The following PDE4A variants were observed in gnomAD, a reference collection of about 807,000 sequenced individuals.
PDE4A encodes 3',5'-cyclic-AMP phosphodiesterase 4A.
Under a neutral mutation model 73.9 loss-of-function variants are expected in PDE4A, and 21 were observed. That is an observed-to-expected ratio of 0.28 (90% CI 0.20 to 0.41). The LOEUF is 0.41. PDE4A is among the 10% of genes least tolerant of loss of function. The pLI, the probability that PDE4A is intolerant of heterozygous loss-of-function variation, is 1.00. For missense variants in PDE4A, 958 were observed against 1,211.4 expected (o/e 0.79, Z 3.10); for synonymous variants, 463 against 505.4 (o/e 0.92, Z 1.13).
intron 1 of PDE4A, chr19:10,430,857 C>G (rs2042778351): frequency 1.6e-6 from 2 of 1,227,106 alleles, no homozygotes; most frequent in Non-Finnish European, 2.0e-6. Context: ...GGCGCGGCCG[C>G]GCGGCCTAGG....
Position 10,457,112 on chromosome 19 carries a change from C to T in PDE4A, c.878-767C>T, listed in dbSNP as rs151300289. On this transcript the variant is annotated intron_variant, in intron 7 of 14. Transcript: ENST00000380702. ...ACTCGGGAGGCTGAGGTAGGAAAAT[C>T]GCTTGAACCCGGGAGGTGGAGGCTA... Among the ~76,000 whole-genome samples the T allele has an allele frequency of 1.8e-3, 272 of 152,244 alleles. 3 individuals are homozygous for T. Among genetic ancestry groups the T allele is most frequent in the African/African-American group, 6.3e-3 (262 of 41,544 alleles).
At chr19:10,442,950 T>C (rs191299899) in intron 1 of PDE4A, among the ~76,000 whole-genome samples, 3 of 151,828 alleles carry the variant, frequency 2.0e-5, no homozygotes, top group Non-Finnish European at 4.4e-5. Flanking sequence ...TGCATATGCA[T>C]GTGTATGTAA....
chr19:10,448,157 T>C (rs1232015968), intron 2 of PDE4A, among the ~76,000 whole-genome samples: 2 of 150,584 alleles, frequency 1.3e-5, no homozygotes, highest in Non-Finnish European at 3.0e-5. Flanking sequence ...TGGAGTGCAG[T>C]GGCGCGATCT....
intron 1 of PDE4A, among the ~76,000 whole-genome samples, chr19:10,441,279 C>T (rs1188925984): frequency 1.3e-5 from 2 of 152,112 alleles, no homozygotes; most frequent in Non-Finnish European, 2.9e-5. Context: ...TAGGTGCACA[C>T]CACCATGCCC....
At chr19:10,426,531 A>C (rs1346829639) in intron 1 of PDE4A, among the ~76,000 whole-genome samples, 2 of 152,152 alleles carry the variant, frequency 1.3e-5, no homozygotes, top group African/African-American at 4.8e-5. Flanking sequence ...CCATAGACAC[A>C]TTCCCTGCTG....
At chr19:10,454,465 T>C (rs1251551973) in intron 6 of PDE4A, among the ~76,000 whole-genome samples, 3 of 152,112 alleles carry the variant, frequency 2.0e-5, no homozygotes, top group African/African-American at 7.2e-5. Flanking sequence ...CTAAGGAGAC[T>C]CCCATCGCCA....
intron 1 of PDE4A, among the ~76,000 whole-genome samples, chr19:10,429,229 G>A (rs1048681422): frequency 2.7e-5 from 4 of 149,042 alleles, no homozygotes; most frequent in African/African-American, 5.0e-5. Flanking sequence ...GGAAAAGAAA[G>A]AAAGAGAGGG....
intron 10 of PDE4A, among the ~76,000 whole-genome samples, chr19:10,460,366 G>GT (rs1447006326): frequency 3.3e-5 from 5 of 151,828 alleles, no homozygotes; most frequent in South Asian, 2.1e-4. Context: ...GGGCGTGGTG[G>GT]GGCACGCCTG....
chr19:10,452,234 G>T (rs868535865), intron 6 of PDE4A, among the ~76,000 whole-genome samples: 10 of 152,040 alleles, frequency 6.6e-5, no homozygotes, highest in Middle Eastern at 6.8e-3. Context: ...GAGGTCGGGA[G>T]TTCGAGCAGC....
intron 13 of PDE4A, among the ~76,000 whole-genome samples, chr19:10,462,779 A>AC (rs986717466): frequency 2.1e-5 from 3 of 143,464 alleles, no homozygotes; most frequent in Non-Finnish European, 4.6e-5. Flanking sequence ...CTCTTCCCTC[A>AC]CCCCCCTTCC....
intron 1 of PDE4A, chr19:10,432,357 T>C: frequency 7.7e-7 from 1 of 1,305,228 alleles, no homozygotes; most frequent in Non-Finnish European, 9.7e-7. Context: ...CGCAGACACC[T>C]TGGGCCTGGC....
intron 1 of PDE4A, among the ~76,000 whole-genome samples, chr19:10,445,770 C>CAA (rs368282378): frequency 9.9e-5 from 11 of 110,646 alleles, no homozygotes; most frequent in East Asian, 2.9e-4. Context: ...GACCATACCT[C>CAA]AAAAAAAAAA....
intron 14 of PDE4A, among the ~76,000 whole-genome samples, chr19:10,466,464 T>C (rs2043373823): frequency 9.7e-6 from 1 of 102,818 alleles, no homozygotes; most frequent in African/African-American, 4.2e-5. Context: ...AAAAAAAAAG[T>C]GTGTGTGTGT....
chr19:10,421,221 G>A, intron 1 of PDE4A, 137 bp downstream of exon 1: 1 of 1,335,582 alleles, frequency 7.5e-7, no homozygotes, highest in Non-Finnish European at 9.5e-7. Context: ...ATTCGGCTGC[G>A]GGGGCGTCTG....
chr19:10,426,405 CT>C (rs112146326), intron 1 of PDE4A, among the ~76,000 whole-genome samples: 4 of 149,716 alleles, frequency 2.7e-5, no homozygotes, highest in Non-Finnish European at 5.9e-5. Flanking sequence ...CAATGAGATT[CT>C]TTTTTTTTTC....
rs200058068 is a variant in PDE4A at position 10,467,569 on chromosome 19, C to T, written c.2609C>T (p.Thr870Ile). ...SACAGTFGED[T>I]SALPAPGGGG... ...TGCGCAGGGACATTTGGGGAGGACA[C>T]ATCCGCACTCCCAGCTCCTGGTGGC... The change falls in exon 15 of 15, where the codon ACA becomes ATA. Residue 870 changes from threonine (T) to isoleucine (I), a missense_variant. This residue lies in a region of PDE4A where 243 missense variants were observed against 245.9 expected (regional missense o/e 0.99). Transcript: ENST00000380702. The T allele has an allele frequency of 2.5e-6, 4 of 1,601,728 alleles. No individual in the cohort carries two copies. Among genetic ancestry groups the T allele is most frequent in the East Asian group, 4.5e-5 (2 of 44,616 alleles).
chr19:10,460,299 G>GACC (rs989193079), intron 10 of PDE4A, among the ~76,000 whole-genome samples: 1 of 149,332 alleles, frequency 6.7e-6, no homozygotes, highest in African/African-American at 2.5e-5. Flanking sequence ...GGGAGTTTGA[G>GACC]ACCAGCCTGA....
At chr19:10,433,462 C>T (rs988478637) in intron 1 of PDE4A, among the ~76,000 whole-genome samples, 7 of 152,124 alleles carry the variant, frequency 4.6e-5, no homozygotes, top group African/African-American at 9.7e-5. Flanking sequence ...GAACGCACCC[C>T]GTGCCCACAC....
chr19:10,459,161 C>G (rs922381742), intron 8 of PDE4A: 2 of 608,034 alleles, frequency 3.3e-6, no homozygotes, highest in African/African-American at 3.7e-5. Context: ...CAAACGAGAT[C>G]AAGTGCTTAG....
Sources: gnomAD v4.1 joint callset for allele counts (sites outside exome capture counted in the v4.1 genomes callset) on GRCh38, gnomAD v4.1.1 for gene constraint, gnomAD v4.1.1 regional missense constraint, MANE v1.5 for transcripts, NCBI Gene and HGNC (gene_info 2026-07-23, HGNC 2026-07-21) for gene names.